The following NAV1 variants were observed in gnomAD, a reference collection of about 807,000 sequenced individuals.
NAV1 encodes the protein neuron navigator 1.
NAV1 carries 18 observed loss-of-function variants against 175.2 expected under a neutral mutation model. The observed-to-expected ratio is 0.10, with a 90% confidence interval of 0.07 to 0.15. The LOEUF is 0.15. NAV1 is among the 10% of genes least tolerant of loss of function. NAV1 has a pLI of 1.00. For missense variants in NAV1, 1,731 were observed against 2,436.6 expected (o/e 0.71, Z 6.10); for synonymous variants, 897 against 978.7 (o/e 0.92, Z 1.56).
chr1:201,691,496 C>T (rs758079864), intron 1 of NAV1, among the ~76,000 whole-genome samples: 2 of 152,166 alleles, frequency 1.3e-5, no homozygotes, highest in African/African-American at 2.4e-5. Context: ...TCATCAAGTA[C>T]GTAAACAAAC....
chr1:201,755,284 T>A (rs777091665), intron 3 of NAV1, among the ~76,000 whole-genome samples: 1 of 152,060 alleles, frequency 6.6e-6, no homozygotes, highest in Non-Finnish European at 1.5e-5. Flanking sequence ...CTACAAAAAA[T>A]TTAAAAATTA....
chr1:201,727,817 A>T (rs1672673505), intron 3 of NAV1, among the ~76,000 whole-genome samples: 1 of 152,212 alleles, frequency 6.6e-6, no homozygotes, highest in African/African-American at 2.4e-5. Context: ...AAGGGCAAGG[A>T]AGCATGGGTA....
chr1:201,622,717 A>T (rs1260278494), upstream of NAV1, among the ~76,000 whole-genome samples: 1 of 152,166 alleles, frequency 6.6e-6, no homozygotes, highest in African/African-American at 2.4e-5. Context: ...CCCAGTCACA[A>T]TGCGAACCAG....
rs1447682187 is a variant in NAV1 at position 201,787,742 on chromosome 1, G to A, written c.2996-726G>A. ...CCTTGTGGGTATGAAACCCTGAAAG[G>A]CTGTAATCCCAGCAATGGGCAAAGG... is the stretch of plus-strand genomic sequence containing the variant. On this transcript the variant is annotated intron_variant, in intron 9 of 29. Transcript: ENST00000367296. The surrounding 1 kb of genome is among the most constrained non-coding windows in gnomAD (Gnocchi z 4.3). 2 of 455,936 alleles carry A rather than the reference G, an allele frequency of 4.4e-6. No homozygotes were observed. Among genetic ancestry groups the A allele is most frequent in the Admixed American group, 4.7e-5 (2 of 42,562 alleles). The allele number at this position is 455,936 out of a possible 1,614,324, so 28.2% of individuals were successfully genotyped here.
At chr1:201,590,871 C>T (rs1667171602) in intron 2 of NAV1, among the ~76,000 whole-genome samples, 1 of 152,222 alleles carries the variant, frequency 6.6e-6, no homozygotes, top group African/African-American at 2.4e-5. Flanking sequence ...GTCCTGTTAA[C>T]CAGCTTGTCG....
chr1:201,641,503 G>C (rs1403495857), intron 2 of NAV1, among the ~76,000 whole-genome samples: 1 of 152,216 alleles, frequency 6.6e-6, no homozygotes, highest in East Asian at 1.9e-4. Context: ...TGCTCAAAAA[G>C]TCCCTGCTGA....
chr1:201,807,275 G>C lies in NAV1; in HGVS notation c.3649-678G>C, dbSNP rs568516019. On this transcript the variant is annotated intron_variant, in intron 17 of 29. Coordinates refer to ENST00000367296, the Ensembl canonical transcript of NAV1. The surrounding 1 kb of genome is among the most constrained non-coding windows in gnomAD (Gnocchi z 5.4). ...TGGAAATCATAGAAAATGCTGTCTGGCTGTTTTAACCATTCTGTGATGTCC... is the reference window on the plus strand; with the variant it reads ...TGGAAATCATAGAAAATGCTGTCTGCCTGTTTTAACCATTCTGTGATGTCC... 2.0e-5 allele frequency among the ~76,000 whole-genome samples: 3 copies of C among 152,278 alleles called. No individual in the cohort carries two copies. In the South Asian group the frequency reaches 6.2e-4, roughly 32 times the overall value.
At chr1:201,781,245 G>C in exon 5 of NAV1, 1 of 1,613,910 alleles carries the variant, frequency 6.2e-7, no homozygotes, top group South Asian at 1.1e-5. Context: ...AGAAGGGCAA[G>C]ACCCCACCTG....
intron 3 of NAV1, among the ~76,000 whole-genome samples, chr1:201,753,579 C>T (rs1191175604): frequency 1.3e-5 from 2 of 152,178 alleles, no homozygotes; most frequent in Non-Finnish European, 2.9e-5. Context: ...AATGACAGTG[C>T]TCAACTCAAA....
chr1:201,756,875 T>C (rs1305403676), intron 3 of NAV1, among the ~76,000 whole-genome samples: 1 of 125,654 alleles, frequency 8.0e-6, no homozygotes, highest in Non-Finnish European at 1.6e-5. Context: ...TTTCTTTCTT[T>C]CTTTCTTTCT....
intron 1 of NAV1, among the ~76,000 whole-genome samples, chr1:201,682,717 G>GA (rs893322007): frequency 2.4e-4 from 35 of 144,108 alleles, no homozygotes; most frequent in South Asian, 2.2e-3. Context: ...TGCAAGGTTG[G>GA]AAAAAAAAAA....
chr1:201,812,909 A>G lies in NAV1; in HGVS notation c.5222-231A>G, dbSNP rs1468615698. On this transcript the variant is annotated intron_variant, in intron 27 of 29. Coordinates refer to ENST00000367296, the Ensembl canonical transcript of NAV1. This position sits in a 1 kb window ranked among gnomAD's most constrained non-coding sequence, Gnocchi z 4.6. Reference sequence around the variant, plus strand: ...AACAGAAAAAAGGAGGCACATATGTAGGAAGGAATTAAACAGCTTTCCTCA... The same window carrying G: ...AACAGAAAAAAGGAGGCACATATGTGGGAAGGAATTAAACAGCTTTCCTCA... 6.6e-6 allele frequency among the ~76,000 whole-genome samples: 1 copy of G among 152,200 alleles called. No homozygotes were observed. Among genetic ancestry groups the G allele is most frequent in the Non-Finnish European group, 1.5e-5 (1 of 68,014 alleles).
chr1:201,780,376 G>A, intron 3 of NAV1, 45 bp from the exon 8 acceptor site: 3 of 1,607,170 alleles, frequency 1.9e-6, no homozygotes, highest in Non-Finnish European at 2.6e-6. Context: ...TTTTTTGCCT[G>A]GGCTTCTGTT....
chr1:201,700,451 G>A (rs751816097), intron 1 of NAV1, among the ~76,000 whole-genome samples: 8 of 152,200 alleles, frequency 5.3e-5, no homozygotes, highest in Non-Finnish European at 2.9e-5. Flanking sequence ...GTGCTGGAGA[G>A]GATGTGGAGA....
chr1:201,642,529 C>CTTTCTTTCTTTCTTTCTTTCTTTCT lies in NAV1; in HGVS notation c.5-6101_5-6077dup, dbSNP rs1558031697. Among the ~76,000 whole-genome samples, 11 of 99,098 alleles carry CTTTCTTTCTTTCTTTCTTTCTTTCT rather than the reference C, an allele frequency of 1.1e-4. 1 individual carries two copies. Among genetic ancestry groups the CTTTCTTTCTTTCTTTCTTTCTTTCT allele is most frequent in the African/African-American group, 5.4e-4 (11 of 20,268 alleles). 65.0% of individuals were successfully genotyped at this position (99,098 alleles called of 152,430 possible). A position where few individuals can be genotyped will look rare whatever the true frequency, so the allele number is the denominator to read the frequency against. ...ACCCGGCCTCTTTCTTTCTTTTTTT[C>CTTTCTTTCTTTCTTTCTTTCTTTCT]TTTCTTTCTTTCTTTCTTTCTTTCT... On this transcript the variant is annotated intron_variant, in intron 2 of 29. Transcript: ENST00000367302.
upstream of NAV1, among the ~76,000 whole-genome samples, chr1:201,620,362 A>G (rs1668126656): frequency 1.3e-5 from 2 of 152,018 alleles, no homozygotes; most frequent in South Asian, 2.1e-4. Flanking sequence ...TTCATTGTAC[A>G]TAAATCTTTG....
At chr1:201,605,997 A>G (rs1667664477) in intron 2 of NAV1, among the ~76,000 whole-genome samples, 1 of 152,186 alleles carries the variant, frequency 6.6e-6, no homozygotes, top group South Asian at 2.1e-4. Flanking sequence ...AAAGAAGTCC[A>G]GACCATGTTA....
chr1:201,769,444 T>C (rs976284911), intron 3 of NAV1, among the ~76,000 whole-genome samples: 1 of 152,242 alleles, frequency 6.6e-6, no homozygotes, highest in Non-Finnish European at 1.5e-5. Flanking sequence ...TGATGCTCTT[T>C]TACCGCTCTG....
At chr1:201,649,148 C>T (rs1194686959) in exon 1 of NAV1, 4 of 1,611,950 alleles carry the variant, frequency 2.5e-6, no homozygotes, top group South Asian at 2.2e-5. Flanking sequence ...CCAAGACCCC[C>T]CTGGCTCCGC....
Sources: gnomAD v4.1 joint callset for allele counts (sites outside exome capture counted in the v4.1 genomes callset) on GRCh38, gnomAD v4.1.1 for gene constraint, Gnocchi (gnomAD v3.1) non-coding constraint, MANE v1.5 for transcripts, NCBI Gene and HGNC (gene_info 2026-07-23, HGNC 2026-07-21) for gene names.